LYPLAL1: variants seen among roughly 807,000 people sequenced by gnomAD.
LYPLAL1 encodes lysophospholipase-like protein 1.
In LYPLAL1, 23 loss-of-function variants were observed where a neutral mutation model predicts 19.7. The observed-to-expected ratio is 1.17, with a 90% CI of 0.84 to 1.65. The LOEUF is 1.65. LYPLAL1 is among the 40% of genes most tolerant of loss of function. The probability of loss-of-function intolerance (pLI) is 0.00; values close to 1 mark genes in which losing one functional copy is unlikely to be tolerated. For missense variants in LYPLAL1, 355 were observed against 279.4 expected, an observed-to-expected ratio of 1.27 and a Z score of -1.93; for synonymous variants, 119 against 96.3, an observed-to-expected ratio of 1.24 and a Z score of -1.38.
the LYPLAL1 span, among the ~76,000 whole-genome samples, chr1:219,333,053 G>A: frequency 6.6e-6 from 1 of 151,968 alleles, no homozygotes; most frequent in Non-Finnish European, 1.5e-5. Flanking sequence ...AGCTAGCAAT[G>A]ACTGGTCATG....
chr1:219,406,275 G>A, the LYPLAL1 span, among the ~76,000 whole-genome samples: 3 of 152,120 alleles, frequency 2.0e-5, no homozygotes, highest in Non-Finnish European at 4.4e-5. Context: ...TTCGGGAAAG[G>A]GAAGCTTTGA....
the LYPLAL1 span, among the ~76,000 whole-genome samples, chr1:219,218,248 A>G: frequency 6.6e-6 from 1 of 152,136 alleles, no homozygotes; most frequent in African/African-American, 2.4e-5. Flanking sequence ...TATGTAAAAT[A>G]AAATGTCCAG....
At chr1:219,276,732 T>G in the LYPLAL1 span, among the ~76,000 whole-genome samples, 5 of 152,170 alleles carry the variant, frequency 3.3e-5, no homozygotes, top group African/African-American at 1.2e-4. Flanking sequence ...TTGGCCCCAT[T>G]TTTACATGAT....
At chr1:219,315,494 T>A in the LYPLAL1 span, among the ~76,000 whole-genome samples, 29 of 152,148 alleles carry the variant, frequency 1.9e-4, no homozygotes. Flanking sequence ...TTTGATGAGG[T>A]AAGTGTAAGG....
the LYPLAL1 span, among the ~76,000 whole-genome samples, chr1:219,386,236 CA>C: frequency 6.6e-6 from 1 of 152,136 alleles, no homozygotes; most frequent in African/African-American, 2.4e-5. Flanking sequence ...GACATTCTGA[CA>C]AATCTTTGGG....
the LYPLAL1 span, among the ~76,000 whole-genome samples, chr1:219,395,405 G>C: frequency 1.9e-3 from 295 of 152,136 alleles, 2 homozygotes; most frequent in African/African-American, 6.6e-3. Context: ...TCATATGCTT[G>C]TTGGCTACAT....
At chr1:219,444,725 T>C in the LYPLAL1 span, among the ~76,000 whole-genome samples, 3 of 152,122 alleles carry the variant, frequency 2.0e-5, no homozygotes, top group African/African-American at 7.2e-5. Flanking sequence ...GTAAAGCAGA[T>C]ACTGTAACAT....
At chr1:219,414,093 G>A in the LYPLAL1 span, among the ~76,000 whole-genome samples, 1 of 152,186 alleles carries the variant, frequency 6.6e-6, no homozygotes, top group African/African-American at 2.4e-5. Flanking sequence ...GGCTGAGGGG[G>A]AAGGATGAAT....
chr1:219,441,844 T>C, the LYPLAL1 span, among the ~76,000 whole-genome samples: 1 of 152,136 alleles, frequency 6.6e-6, no homozygotes, highest in Non-Finnish European at 1.5e-5. Context: ...GCCTTTGCCA[T>C]AGCTTCAAGG....
the LYPLAL1 span, among the ~76,000 whole-genome samples, chr1:219,425,750 A>G: frequency 3.9e-5 from 6 of 152,206 alleles, no homozygotes; most frequent in African/African-American, 1.4e-4. Context: ...TTATTATCCT[A>G]TAGTTAATTC....
chr1:219,382,380 G>T, the LYPLAL1 span, among the ~76,000 whole-genome samples: 1 of 151,968 alleles, frequency 6.6e-6, no homozygotes, highest in Non-Finnish European at 1.5e-5. Flanking sequence ...TGTTTTTTGA[G>T]ATAGGGTCTT....
chr1:219,349,680 G>A, the LYPLAL1 span, among the ~76,000 whole-genome samples: 1 of 152,146 alleles, frequency 6.6e-6, no homozygotes, highest in Non-Finnish European at 1.5e-5. Context: ...GATCAAGAGG[G>A]CAGCATGAAA....
the LYPLAL1 span, among the ~76,000 whole-genome samples, chr1:219,232,372 C>T: frequency 2.0e-5 from 3 of 151,948 alleles, no homozygotes; most frequent in Non-Finnish European, 4.4e-5. Flanking sequence ...GGGCCCTTAC[C>T]CTATACTGTA....
chr1:219,365,615 A>T, the LYPLAL1 span, among the ~76,000 whole-genome samples: 1 of 152,162 alleles, frequency 6.6e-6, no homozygotes, highest in African/African-American at 2.4e-5. Flanking sequence ...AGACCTGGGA[A>T]TGGTGCCAGA....
chr1:219,281,732 C>T, the LYPLAL1 span, among the ~76,000 whole-genome samples: 3 of 152,156 alleles, frequency 2.0e-5, no homozygotes. Flanking sequence ...TCCCAGGATG[C>T]CAATTGTCAA....
chr1:219,284,134 A>T, the LYPLAL1 span, among the ~76,000 whole-genome samples: 1 of 152,182 alleles, frequency 6.6e-6, no homozygotes, highest in Non-Finnish European at 1.5e-5. Context: ...CTGCCATGTA[A>T]GACATGCCTT....
At chr1:219,298,898 A>G in the LYPLAL1 span, among the ~76,000 whole-genome samples, 4 of 152,336 alleles carry the variant, frequency 2.6e-5, no homozygotes, top group Non-Finnish European at 4.4e-5. Context: ...GTTTCCACTG[A>G]TTATTACTTT....
the LYPLAL1 span, among the ~76,000 whole-genome samples, chr1:219,385,234 C>T: frequency 1.7e-4 from 26 of 152,274 alleles, no homozygotes; most frequent in Admixed American, 2.0e-4. Flanking sequence ...CAGAATCGAA[C>T]TTCTATACCC....
the LYPLAL1 span, among the ~76,000 whole-genome samples, chr1:219,443,793 A>G: frequency 1.1e-4 from 16 of 152,366 alleles, no homozygotes; most frequent in African/African-American, 3.6e-4. Flanking sequence ...AAGGTTAACA[A>G]AAACAAGTAA....
Sources: gnomAD v4.1 joint callset for allele counts (sites outside exome capture counted in the v4.1 genomes callset) on GRCh38, gnomAD v4.1.1 for gene constraint, MANE v1.5 for transcripts, NCBI Gene and HGNC (gene_info 2026-07-23, HGNC 2026-07-21) for gene names.